CACUL1: variants seen among roughly 807,000 people sequenced by gnomAD.
The protein encoded by CACUL1 is CDK2 associated cullin domain 1, also known as CDK2-associated and cullin domain-containing protein 1.
Under a neutral mutation model 45.2 loss-of-function variants are expected in CACUL1, and 13 were observed. That is an observed-to-expected ratio of 0.29 (90% CI 0.19 to 0.46). The LOEUF (loss-of-function observed/expected upper bound fraction) is 0.46. Ranked by LOEUF, CACUL1 falls within the 20% of genes least tolerant of loss-of-function variation. CACUL1 has a pLI of 1.00. For synonymous variants in CACUL1, 197 were observed against 174.2 expected, an observed-to-expected ratio of 1.13 and a Z score of -1.03; for missense variants, 421 against 471.4, an observed-to-expected ratio of 0.89 and a Z score of 0.99.
At chr10:118,700,185 T>C (rs561997247) in intron 5 of CACUL1, among the ~76,000 whole-genome samples, 13 of 152,020 alleles carry the variant, frequency 8.6e-5, no homozygotes, top group Admixed American at 5.2e-4. Flanking sequence ...AAAAGTTCAT[T>C]GTGGTGAACG....
At position 118,685,564 on chromosome 10, in the gene CACUL1, A is replaced by G. The variant is rs1036677727; in HGVS notation, c.*564T>C. Reference sequence around the variant, plus strand: ...GAAGAAAGTTGTGAACTGATGGGGGAAAGTTCTAGCAAAAGCAGAGTTAGC... The same window carrying G: ...GAAGAAAGTTGTGAACTGATGGGGGGAAGTTCTAGCAAAAGCAGAGTTAGC... On this transcript the variant is annotated 3_prime_UTR_variant, in exon 9 of 9. Coordinates refer to ENST00000369151, the MANE Select transcript of CACUL1 (RefSeq NM_153810.5). The G allele has an allele frequency of 3.3e-5, 5 of 152,706 alleles. No homozygotes were observed. Among genetic ancestry groups the G allele is most frequent in the African/African-American group, 7.2e-5 (3 of 41,466 alleles). 9.5% of individuals were successfully genotyped at this position (152,706 alleles called of 1,614,324 possible).
chr10:118,714,357 G>T (rs990683110), intron 3 of CACUL1, among the ~76,000 whole-genome samples: 1 of 151,910 alleles, frequency 6.6e-6, no homozygotes, highest in African/African-American at 2.4e-5. Context: ...TCATTAGACG[G>T]TATCAAAAAA....
At chr10:118,720,117 T>C (rs1042553553) in intron 3 of CACUL1, among the ~76,000 whole-genome samples, 5 of 152,238 alleles carry the variant, frequency 3.3e-5, no homozygotes, top group African/African-American at 1.2e-4. Context: ...ATTTTTTTCT[T>C]GATTTATTTC....
At chr10:118,739,104 G>A (rs1845768130) in intron 1 of CACUL1, among the ~76,000 whole-genome samples, 2 of 151,586 alleles carry the variant, frequency 1.3e-5, no homozygotes, top group South Asian at 2.1e-4. Context: ...GCTGAGGCAA[G>A]AGAATGGTGT....
At chr10:118,733,634 A>G (rs1845717246) in intron 1 of CACUL1, among the ~76,000 whole-genome samples, 1 of 152,208 alleles carries the variant, frequency 6.6e-6, no homozygotes, top group Non-Finnish European at 1.5e-5. Context: ...TGTGTGTGTA[A>G]TCTTGAACTT....
rs577476899 is a variant in CACUL1, at chr10:118,749,805, G to A, written c.367+4591C>T. Among the ~76,000 whole-genome samples the A allele has an allele frequency of 1.2e-4, 19 of 152,286 alleles. No individual in the cohort carries two copies. The South Asian group carries it at 3.9e-3, about 32-fold the overall frequency. The stretch of plus-strand genomic sequence containing the variant: ...GGGGCTTATGGACGTCACATAAATG[G>A]TGTTTTGGCCTCAATCCATCTCACA... On this transcript the variant is annotated intron_variant, in intron 1 of 8. Coordinates refer to ENST00000369151, the MANE Select transcript of CACUL1 (RefSeq NM_153810.5).
intron 1 of CACUL1, among the ~76,000 whole-genome samples, chr10:118,750,423 C>CAT (rs949390329): frequency 6.6e-6 from 1 of 152,144 alleles, no homozygotes; most frequent in Non-Finnish European, 1.5e-5. Flanking sequence ...TGTGGATTAT[C>CAT]ATCGATCAAA....
Position 118,681,163 on chromosome 10 carries a change from A to ATGATG in CACUL1, c.*4960_*4964dup, listed in dbSNP as rs1845149369. 1.3e-5 allele frequency: 2 copies of ATGATG among 152,350 alleles called. No individual in the cohort carries two copies. Among genetic ancestry groups the ATGATG allele is most frequent in the Admixed American group, 6.5e-5 (1 of 15,302 alleles). The allele number at this position is 152,350 out of a possible 1,614,324, so 9.4% of individuals were successfully genotyped here. On this transcript the variant is annotated 3_prime_UTR_variant, in exon 9 of 9. Coordinates refer to ENST00000369151, the MANE Select transcript of CACUL1 (RefSeq NM_153810.5). ...ATTTTGTTTTTCTTGGATTAAAGAG[A>ATGATG]TGATGTGCAGAACGCCCTGTGCTGA...
rs1356610216 is a variant in CACUL1, at chr10:118,682,876, C to A, written c.*3252G>T. The A allele has an allele frequency of 6.6e-6, 1 of 152,386 alleles. No individual in the cohort carries two copies. The highest frequency in any genetic ancestry group is 1.5e-5 in the Non-Finnish European group (1 of 68,034). The allele number at this position is 152,386 out of a possible 1,614,324, so 9.4% of individuals were successfully genotyped here. ...CTAGACCCCAAAGGGAGGGTAATTG[C>A]TGCAAATTTGTTAAAGGGACAGAAG... On this transcript the variant is annotated 3_prime_UTR_variant, in exon 9 of 9. Transcript: ENST00000369151.
At chr10:118,732,816 C>G (rs1845709601) in intron 1 of CACUL1, among the ~76,000 whole-genome samples, 1 of 152,122 alleles carries the variant, frequency 6.6e-6, no homozygotes, top group Non-Finnish European at 1.5e-5. Context: ...ACACTAGGCT[C>G]TAGAATATGA....
chr10:118,706,151 C>G (rs1845430074), intron 4 of CACUL1, among the ~76,000 whole-genome samples: 1 of 152,190 alleles, frequency 6.6e-6, no homozygotes, highest in African/African-American at 2.4e-5. Context: ...AATAAACTAG[C>G]TATTTACCTT....
In CACUL1 at chr10:118,710,787, G is replaced by A. The variant is rs374847741; in HGVS notation, c.598-3200C>T. ...AGAATGCATTGTTTTGCAAGGAAAG[G>A]GTCTTGTTCAAATCTAAACTTTGAC... On this transcript the variant is annotated intron_variant, in intron 3 of 8. Transcript: ENST00000369151. 8.5e-4 allele frequency among the ~76,000 whole-genome samples: 129 copies of A among 152,122 alleles called. 4 individuals carry two copies. The South Asian group carries it at 0.026, about 31-fold the overall frequency.
intron 5 of CACUL1, among the ~76,000 whole-genome samples, chr10:118,699,706 G>A (rs1044916951): frequency 4.6e-5 from 7 of 151,676 alleles, no homozygotes; most frequent in African/African-American, 9.7e-5. Flanking sequence ...GTGCAGTGAC[G>A]CGATCTCGGC....
At position 118,685,201 on chromosome 10, in the gene CACUL1, A is replaced by G. The variant is rs184830722; in HGVS notation, c.*927T>C. The stretch of plus-strand genomic sequence containing the variant: ...ATCGCAGGAAGTAGCTCTCAATAAT[A>G]CTAAGGGAAGCTTCCGTGCTAAAGT... On this transcript the variant is annotated 3_prime_UTR_variant, in exon 9 of 9. Transcript: ENST00000369151. 2 of 133,720 alleles carry G rather than the reference A, an allele frequency of 1.5e-5. No homozygotes were observed. Among genetic ancestry groups the G allele is most frequent in the East Asian group, 4.0e-4 (2 of 5,040 alleles). The allele number at this position is 133,720 out of a possible 1,614,324, so 8.3% of individuals were successfully genotyped here. A position where few individuals can be genotyped will look rare whatever the true frequency, so the allele number is the denominator to read the frequency against.
Position 118,754,452 on chromosome 10 carries a change from G to A in CACUL1, c.311C>T (p.Ala104Val). The A allele has an allele frequency of 6.3e-7, 1 of 1,593,342 alleles. No individual in the cohort carries two copies. Among genetic ancestry groups the A allele is most frequent in the Non-Finnish European group, 8.5e-7 (1 of 1,170,822 alleles). ...GGTGGAGCTGGCGGTGGGGGCGGGG[G>A]CCGCCTTGGCCACGGCGGCGGCCGC... The part of the protein sequence containing the change: ...CDAAAAVAKA[A>V]PAPTASSTIN... The change falls in exon 1 of 9, where the codon GCC (alanine) becomes GTC (valine). Residue 104 changes from alanine (A) to valine (V), a missense_variant. Transcript: ENST00000369151.
intron 4 of CACUL1, among the ~76,000 whole-genome samples, chr10:118,704,810 T>A (rs1222360756): frequency 1.3e-5 from 2 of 152,232 alleles, no homozygotes; most frequent in African/African-American, 4.8e-5. Context: ...GTTTCATTGC[T>A]CAATAAAATT....
chr10:118,741,290 C>T (rs1175290308), intron 1 of CACUL1, among the ~76,000 whole-genome samples: 1 of 152,086 alleles, frequency 6.6e-6, no homozygotes, highest in East Asian at 1.9e-4. Flanking sequence ...AATCTCAAAT[C>T]CTCGGAAATG....
At chr10:118,723,909 C>T (rs932119321) in intron 3 of CACUL1, among the ~76,000 whole-genome samples, 1 of 151,122 alleles carries the variant, frequency 6.6e-6, no homozygotes, top group South Asian at 2.1e-4. Context: ...AGATTATAGG[C>T]GCCCACCACC....
intron 3 of CACUL1, among the ~76,000 whole-genome samples, chr10:118,718,824 C>T (rs1422268403): frequency 2.6e-5 from 4 of 152,200 alleles, no homozygotes; most frequent in African/African-American, 7.2e-5. Context: ...CCACCTGCCT[C>T]GGCCTCCCAA....
Sources: gnomAD v4.1 joint callset for allele counts (sites outside exome capture counted in the v4.1 genomes callset) on GRCh38, gnomAD v4.1.1 for gene constraint, MANE v1.5 for transcripts, NCBI Gene and HGNC (gene_info 2026-07-23, HGNC 2026-07-21) for gene names.